CHST3: variants seen among roughly 807,000 people sequenced by gnomAD.
CHST3 encodes the protein C6ST-1.
CHST3 carries 20 observed loss-of-function variants against 35.4 expected under a neutral mutation model. That is an observed-to-expected ratio of 0.57 (90% CI 0.40 to 0.82). CHST3 has a LOEUF of 0.82. Ranked by LOEUF, CHST3 falls within the 40% of genes least tolerant of loss-of-function variation. CHST3 has a pLI of 0.00. For synonymous variants in CHST3, 334 were observed against 295.9 expected (o/e 1.13, Z -1.32); for missense variants, 693 against 670.1 (o/e 1.03, Z -0.38).
chr10:71,969,271 A>T lies in CHST3; in HGVS notation c.-108+4577A>T, dbSNP rs58049363. Reference sequence around the variant, plus strand: ...ATTATCTGTTGGCCCCACTTTACAGATGAGGACATGAGGCTCAGAGAGGTG... The same window carrying T: ...ATTATCTGTTGGCCCCACTTTACAGTTGAGGACATGAGGCTCAGAGAGGTG... On this transcript the variant is annotated intron_variant, in intron 1 of 2. Transcript: ENST00000373115. Among the ~76,000 whole-genome samples, 443 of 152,332 alleles carry T rather than the reference A, an allele frequency of 2.9e-3. 1 individual carries two copies. Among genetic ancestry groups the T allele is most frequent in the African/African-American group, 9.8e-3 (409 of 41,580 alleles).
In CHST3 at chr10:72,008,455, C is replaced by T; in HGVS notation, c.1424C>T (p.Thr475Ile). ...RSVSLLEERG[T>I]FWVT ...GTCAGCCTGCTGGAGGAGAGGGGCA[C>T]CTTCTGGGTCACGTAGGGGGGCCGG... The change falls in exon 3 of 3, where the codon ACC becomes ATC. Residue 475 changes from threonine to isoleucine, a missense_variant. Transcript: ENST00000373115. The T allele has an allele frequency of 6.4e-7, 1 of 1,556,274 alleles. No homozygotes were observed. Among genetic ancestry groups the T allele is most frequent in the Non-Finnish European group, 8.7e-7 (1 of 1,149,950 alleles).
rs1422732295 is a variant in CHST3, at chr10:72,013,229, T to G, written c.*4758T>G. 6.6e-6 allele frequency: 1 copy of G among 152,366 alleles called. No individual in the cohort carries two copies. The highest frequency in any genetic ancestry group is 1.5e-5 in the Non-Finnish European group (1 of 68,132). 9.4% of individuals were successfully genotyped at this position (152,366 alleles called of 1,614,324 possible). A position where few individuals can be genotyped will look rare whatever the true frequency, so the allele number is the denominator to read the frequency against. On this transcript the variant is annotated 3_prime_UTR_variant, in exon 3 of 3. Transcript: ENST00000373115. ...CCTCAGCCCTGTTTGCTATTTCATG[T>G]CTGCATGGTACGAGACACCCCTTCA...
chr10:71,981,086 G>GT (rs1554815923), intron 1 of CHST3, among the ~76,000 whole-genome samples: 1 of 152,200 alleles, frequency 6.6e-6, no homozygotes, highest in Non-Finnish European at 1.5e-5. Context: ...TCAACTTTCT[G>GT]TTTTTTCAAA....
intron 1 of CHST3, among the ~76,000 whole-genome samples, chr10:71,998,054 G>T (rs745886397): frequency 6.6e-6 from 1 of 152,134 alleles, no homozygotes; most frequent in African/African-American, 2.4e-5. Context: ...TGGGAGGATT[G>T]CCTGAGTGTG....
chr10:71,972,325 A>G (rs1044708478), intron 1 of CHST3, among the ~76,000 whole-genome samples: 7 of 151,870 alleles, frequency 4.6e-5, no homozygotes, highest in African/African-American at 1.5e-4. Context: ...ACAGGCATTC[A>G]TTTTCAAACC....
chr10:72,000,456 G>A (rs1287909454), intron 1 of CHST3, among the ~76,000 whole-genome samples: 1 of 152,108 alleles, frequency 6.6e-6, no homozygotes, highest in Non-Finnish European at 1.5e-5. Flanking sequence ...ATTAGGTCAG[G>A]GGTCAGGGAA....
intron 2 of CHST3, 46 bp downstream of exon 2, chr10:72,006,028 TG>T: frequency 8.3e-7 from 1 of 1,200,674 alleles, no homozygotes; most frequent in Non-Finnish European, 1.2e-6. Context: ...CAAGGTGGGG[TG>T]GGTGGGGACA....
Position 72,008,229 on chromosome 10 carries a change from T to G in CHST3, c.1198T>G (p.Trp400Gly). The change falls in exon 3 of 3, where the codon TGG (tryptophan) becomes GGG (glycine). Residue 400 changes from tryptophan (W) to glycine (G), a missense_variant. Transcript: ENST00000373115. Reference sequence around the variant, plus strand: ...CCCCCTGACCCCGCAGGTGGAAGACTGGATCCAAAAGAACACGCAGGCGGC... The same window carrying G: ...CCCCCTGACCCCGCAGGTGGAAGACGGGATCCAAAAGAACACGCAGGCGGC... The part of the protein sequence containing the change: ...GIPLTPQVED[W>G]IQKNTQAAHD... 6.4e-7 allele frequency: 1 copy of G among 1,562,378 alleles called. No individual in the cohort carries two copies. The highest frequency in any genetic ancestry group is 8.7e-7 in the Non-Finnish European group (1 of 1,153,586).
rs768853633 is a variant in CHST3, at chr10:72,007,828, G to T, written c.797G>T (p.Arg266Leu). 3.7e-5 allele frequency: 60 copies of T among 1,604,308 alleles called. No homozygotes were observed. The highest frequency in any genetic ancestry group is 6.7e-5 in the East Asian group (3 of 44,840). The change falls in exon 3 of 3, where the codon CGC (arginine) becomes CTC (leucine). Residue 266 changes from arginine (R) to leucine (L), a missense_variant. By Grantham distance (102) the Arg-to-Leu change is moderately radical. Coordinates refer to ENST00000373115, the MANE Select transcript of CHST3 (RefSeq NM_004273.5). ...ACGCTGGCCGCAGAGGCCTGCCGCC[G>T]CAAGGAGCACATGGCCCTCAAGGCG... ...NVTLAAEACR[R>L]KEHMALKAVR...
At chr10:71,964,738 G>A (rs1039486732) in intron 1 of CHST3, 44 bp downstream of exon 1, 1 of 152,158 alleles carries the variant, frequency 6.6e-6, no homozygotes, top group Non-Finnish European at 1.5e-5. Flanking sequence ...CCAGCCCGGG[G>A]GAGGCCGCCC....
rs1304233120 is a variant in CHST3 at position 72,008,126 on chromosome 10, C to G, written c.1095C>G (p.Arg365=). 1 of 1,547,886 alleles carries G rather than the reference C, an allele frequency of 6.5e-7. No homozygotes were observed. Among genetic ancestry groups the G allele is most frequent in the East Asian group, 2.4e-5 (1 of 40,886 alleles). The part of the protein sequence containing the change: ...GLRQPAWLRG[R]YMLVRYEDVA... Reference sequence around the variant, plus strand: ...GGCAGCCCGCCTGGCTGCGGGGCCGCTACATGCTGGTGCGCTACGAGGACG... The same window carrying G: ...GGCAGCCCGCCTGGCTGCGGGGCCGGTACATGCTGGTGCGCTACGAGGACG... The change falls in exon 3 of 3, where the codon CGC becomes CGG. Residue 365 remains arginine (R), a synonymous_variant. Coordinates refer to ENST00000373115, the MANE Select transcript of CHST3 (RefSeq NM_004273.5).
chr10:72,005,731 C>T lies in CHST3; in HGVS notation c.-107-5C>T, dbSNP rs950186780. On this transcript the variant is annotated splice_polypyrimidine_tract_variant and splice_region_variant and intron_variant, in intron 1 of 2. Coordinates refer to ENST00000373115, the MANE Select transcript of CHST3 (RefSeq NM_004273.5). ...AGGGTGTTCTGACCACCTGTCTCTC[C>T]GCAGGACAAGGGTGTCCCCCACCTG... 40 of 1,364,084 alleles carry T rather than the reference C, an allele frequency of 2.9e-5. No homozygotes were observed. The highest frequency in any genetic ancestry group is 8.2e-5 in the South Asian group (7 of 85,400). The allele number at this position is 1,364,084 out of a possible 1,614,324, so 84.5% of individuals were successfully genotyped here.
At chr10:71,971,091 C>G (rs539657823) in intron 1 of CHST3, among the ~76,000 whole-genome samples, 2 of 152,168 alleles carry the variant, frequency 1.3e-5, no homozygotes, top group Non-Finnish European at 2.9e-5. Context: ...AAACCAGGCA[C>G]CCGGTTAGAA....
chr10:72,003,991 C>T (rs1273982783), intron 1 of CHST3, among the ~76,000 whole-genome samples: 1 of 152,066 alleles, frequency 6.6e-6, no homozygotes. Flanking sequence ...GCCTGGGCAA[C>T]ATAGTGAAAC....
chr10:72,007,315 G>A lies in CHST3; in HGVS notation c.284G>A (p.Arg95His), dbSNP rs573265813. ...SAFSQLQSRL[R>H]NLSLQLGVEP... ...TTCTCCCAGCTTCAGAGCCGTCTCC[G>A]CAACCTCAGCTTGCAGCTGGGCGTG... is the stretch of plus-strand genomic sequence containing the variant. Residue 95 changes from arginine to histidine, a missense_variant, in exon 3 of 3, where the codon CGC becomes CAC. Physicochemically the swap from Arg to His is conservative, Grantham distance 29. Coordinates refer to ENST00000373115, the MANE Select transcript of CHST3 (RefSeq NM_004273.5). 2.5e-6 allele frequency: 4 copies of A among 1,611,992 alleles called. No homozygotes were observed. The highest frequency in any genetic ancestry group is 2.2e-5 in the South Asian group (2 of 90,624).
chr10:71,969,487 C>T (rs767533589), intron 1 of CHST3, among the ~76,000 whole-genome samples: 10 of 152,204 alleles, frequency 6.6e-5, no homozygotes, highest in African/African-American at 1.4e-4. Flanking sequence ...GTCCATAGAA[C>T]GGGAAAGGCT....
chr10:71,976,954 G>A (rs986538562), intron 1 of CHST3, among the ~76,000 whole-genome samples: 4 of 152,122 alleles, frequency 2.6e-5, no homozygotes, highest in Non-Finnish European at 5.9e-5. Context: ...TCCCATGCCG[G>A]ACTCAGACAC....
intron 1 of CHST3, among the ~76,000 whole-genome samples, chr10:72,004,201 T>A (rs1407619370): frequency 6.6e-6 from 1 of 152,160 alleles, no homozygotes; most frequent in Non-Finnish European, 1.5e-5. Context: ...ACATACTATT[T>A]CAGTCGAGGG....
chr10:71,998,574 C>A (rs730334), intron 1 of CHST3, among the ~76,000 whole-genome samples: 2 of 152,096 alleles, frequency 1.3e-5, no homozygotes, highest in South Asian at 2.1e-4. Flanking sequence ...TGTGCTCCCC[C>A]ACAGCCCCAC....
Sources: allele counts gnomAD v4.1 joint callset (sites outside exome capture counted in the v4.1 genomes callset), GRCh38; gene constraint gnomAD v4.1.1; transcripts MANE v1.5; gene names NCBI Gene and HGNC (gene_info 2026-07-23, HGNC 2026-07-21).